FAM107B: variants seen among roughly 807,000 people sequenced by gnomAD.
The protein encoded by FAM107B is protein FAM107B.
Under a neutral mutation model 31.5 loss-of-function variants are expected in FAM107B, and 21 were observed. The observed-to-expected ratio is 0.67, with a 90% CI of 0.47 to 0.96. The LOEUF (loss-of-function observed/expected upper bound fraction) is 0.96, where lower values mean the gene tolerates loss of function less well. FAM107B is among the 40% of genes least tolerant of loss of function. The pLI, the probability that FAM107B is intolerant of heterozygous loss-of-function variation, is 0.00. For synonymous variants in FAM107B, 157 were observed against 141.5 expected, an observed-to-expected ratio of 1.11 and a Z score of -0.78; for missense variants, 452 against 377.1, an observed-to-expected ratio of 1.20 and a Z score of -1.64.
chr10:14,657,741 G>A (rs1009271364), intron 2 of FAM107B, among the ~76,000 whole-genome samples: 1 of 152,090 alleles, frequency 6.6e-6, no homozygotes, highest in African/African-American at 2.4e-5. Flanking sequence ...CTTGGAACAG[G>A]GATTGTATGA....
At chr10:14,626,573 G>C (rs1243006277) in intron 2 of FAM107B, among the ~76,000 whole-genome samples, 4 of 143,096 alleles carry the variant, frequency 2.8e-5, no homozygotes, top group Non-Finnish European at 6.0e-5. Context: ...GCGTGAGCTC[G>C]ACTCACTGCA....
chr10:14,522,344 C>T (rs1845743758), intron 3 of FAM107B: 2 of 221,298 alleles, frequency 9.0e-6, no homozygotes, highest in South Asian at 9.2e-5. Context: ...GTGCCCATGA[C>T]AGAGACGGAG....
chr10:14,691,473 C>G (rs1307975556), intron 1 of FAM107B, among the ~76,000 whole-genome samples: 1 of 152,210 alleles, frequency 6.6e-6, no homozygotes, highest in Non-Finnish European at 1.5e-5. Context: ...TCCGTAATCA[C>G]AAAGGCCCAG....
At chr10:14,559,112 A>AAC (rs1313507859) in intron 2 of FAM107B, among the ~76,000 whole-genome samples, 136 of 68,990 alleles carry the variant, frequency 2.0e-3, no homozygotes, top group African/African-American at 5.0e-3. Flanking sequence ...AAAAAAAAAA[A>AAC]AAAAACAAAA....
chr10:14,614,676 CAAA>C (rs576366601), intron 2 of FAM107B, among the ~76,000 whole-genome samples: 3 of 56,292 alleles, frequency 5.3e-5, no homozygotes, highest in Non-Finnish European at 7.1e-5. Context: ...GACTCTGTCT[CAAA>C]AAAAAAAAAA....
chr10:14,643,499 T>A (rs1853679856), intron 2 of FAM107B, among the ~76,000 whole-genome samples: 1 of 151,244 alleles, frequency 6.6e-6, no homozygotes, highest in Non-Finnish European at 1.5e-5. Context: ...AGTCTCCACC[T>A]CCTGGGTTTA....
At position 14,559,099 on chromosome 10, in the gene FAM107B, CAAAA is replaced by C. The variant is rs745765049; in HGVS notation, c.470-28588_470-28585del. Among the ~76,000 whole-genome samples, 223 of 88,198 alleles carry C rather than the reference CAAAA, an allele frequency of 2.5e-3. 2 individuals are homozygous for C. Among genetic ancestry groups the C allele is most frequent in the African/African-American group, 0.01 (218 of 21,026 alleles). The allele number at this position is 88,198 out of a possible 152,430, so 57.9% of individuals were successfully genotyped here. ...CACATCAAAATCACCTGTGGAACTTCAAAAAAAAAAAAAAAAAACAAAAAAAAAA... is the reference window on the plus strand; with the variant it reads ...CACATCAAAATCACCTGTGGAACTTCAAAAAAAAAAAAAACAAAAAAAAAA... On this transcript the variant is annotated intron_variant, in intron 2 of 4. Coordinates refer to ENST00000181796, the MANE Select transcript of FAM107B (RefSeq NM_031453.4).
chr10:14,771,056 C>A (rs7085116), intron 1 of FAM107B, among the ~76,000 whole-genome samples: 6,617 of 150,674 alleles, frequency 0.044, 432 homozygotes, highest in African/African-American at 0.14. Context: ...ATCAGTGCAT[C>A]CAAAAGGGAA....
At chr10:14,553,182 C>T (rs889100477) in intron 2 of FAM107B, 7 of 265,730 alleles carry the variant, frequency 2.6e-5, no homozygotes, top group Non-Finnish European at 4.2e-5. Flanking sequence ...ACTCTTTTTA[C>T]CTGTGTGTGA....
intron 2 of FAM107B, among the ~76,000 whole-genome samples, chr10:14,642,971 C>T (rs1221171116): frequency 6.6e-6 from 1 of 152,180 alleles, no homozygotes; most frequent in Non-Finnish European, 1.5e-5. Context: ...CCCCCAAATT[C>T]TTCCAGCCTC....
intron 2 of FAM107B, among the ~76,000 whole-genome samples, chr10:14,605,792 A>G (rs992543932): frequency 6.6e-6 from 1 of 152,114 alleles, no homozygotes; most frequent in Non-Finnish European, 1.5e-5. Flanking sequence ...CAATGGCTCC[A>G]CCAGTCACCA....
At chr10:14,601,406 G>A (rs11815820) in intron 2 of FAM107B, among the ~76,000 whole-genome samples, 22 of 152,246 alleles carry the variant, frequency 1.4e-4, no homozygotes, top group African/African-American at 5.1e-4. Flanking sequence ...GAACTAGAAA[G>A]GAAAAGGGGA....
chr10:14,588,798 A>G (rs1258903392), intron 2 of FAM107B, among the ~76,000 whole-genome samples: 1 of 152,172 alleles, frequency 6.6e-6, no homozygotes, highest in Non-Finnish European at 1.5e-5. Flanking sequence ...CTGTTACTGA[A>G]GGGGAGTGAA....
At chr10:14,685,347 C>T (rs1159014995) in intron 1 of FAM107B, among the ~76,000 whole-genome samples, 1 of 151,874 alleles carries the variant, frequency 6.6e-6, no homozygotes, top group Admixed American at 6.6e-5. Flanking sequence ...CGAGGCCTCA[C>T]TATGTTGCCC....
At chr10:14,754,690 T>C (rs892425519) in intron 1 of FAM107B, among the ~76,000 whole-genome samples, 3 of 152,354 alleles carry the variant, frequency 2.0e-5, no homozygotes, top group African/African-American at 4.8e-5. Context: ...GCCACTGTGA[T>C]GCCTGCCCTG....
At chr10:14,554,103 C>T (rs1849495827) in intron 2 of FAM107B, 3 of 985,260 alleles carry the variant, frequency 3.0e-6, no homozygotes, top group South Asian at 9.4e-5. Flanking sequence ...TATGGACTCA[C>T]CTGATCACAG....
At chr10:14,558,901 A>C (rs1326967336) in intron 2 of FAM107B, among the ~76,000 whole-genome samples, 3 of 152,278 alleles carry the variant, frequency 2.0e-5, no homozygotes, top group Middle Eastern at 3.4e-3. Flanking sequence ...GGAGAAAAAA[A>C]AACTAATAAT....
At chr10:14,688,446 C>T (rs1283114087) in intron 1 of FAM107B, among the ~76,000 whole-genome samples, 2 of 152,170 alleles carry the variant, frequency 1.3e-5, no homozygotes, top group Non-Finnish European at 2.9e-5. Flanking sequence ...TACACACACA[C>T]AGGCATGCAT....
intron 2 of FAM107B, among the ~76,000 whole-genome samples, chr10:14,644,680 G>A (rs1853709019): frequency 6.6e-6 from 1 of 152,086 alleles, no homozygotes; most frequent in Non-Finnish European, 1.5e-5. Context: ...CCATCCTATG[G>A]CAAGGCATTT....
Sources: allele counts gnomAD v4.1 joint callset (sites outside exome capture counted in the v4.1 genomes callset), GRCh38; gene constraint gnomAD v4.1.1; transcripts MANE v1.5; gene names NCBI Gene and HGNC (gene_info 2026-07-23, HGNC 2026-07-21).